LGSN: variants seen among roughly 807,000 people sequenced by gnomAD.
LGSN encodes lengsin.
Under a neutral mutation model 19.5 loss-of-function variants are expected in LGSN, and 21 were observed. The ratio of observed to expected loss-of-function variants is 1.07; its 90% confidence interval spans 0.76 to 1.55. The LOEUF (loss-of-function observed/expected upper bound fraction) is 1.55. Ranked by LOEUF, LGSN falls within the 40% of genes most tolerant of loss-of-function variation. The probability of loss-of-function intolerance (pLI) is 0.00; values close to 1 mark genes in which losing one functional copy is unlikely to be tolerated. For missense variants in LGSN, 673 were observed against 608.5 expected (o/e 1.11, Z -1.12); for synonymous variants, 257 against 215.6 (o/e 1.19, Z -1.68).
the LGSN span, among the ~76,000 whole-genome samples, chr6:63,356,513 C>T: frequency 2.6e-5 from 4 of 151,652 alleles, no homozygotes; most frequent in African/African-American, 9.7e-5. Context: ...CTGCACTCCA[C>T]CCTGGGCGAC....
At chr6:63,369,543 T>G in the LGSN span, among the ~76,000 whole-genome samples, 1 of 152,310 alleles carries the variant, frequency 6.6e-6, no homozygotes, top group East Asian at 1.9e-4. Context: ...TCTGCTTTGA[T>G]TGTTGAACCA....
the LGSN span, among the ~76,000 whole-genome samples, chr6:63,565,334 C>A: frequency 6.6e-6 from 1 of 151,992 alleles, no homozygotes; most frequent in East Asian, 1.9e-4. Context: ...TTGGAGACTA[C>A]CTAGACAACT....
At chr6:63,452,372 T>G in the LGSN span, among the ~76,000 whole-genome samples, 2 of 152,170 alleles carry the variant, frequency 1.3e-5, no homozygotes, top group East Asian at 3.9e-4. Context: ...CCTCAGCCTC[T>G]GGAGTTGCTG....
the LGSN span, among the ~76,000 whole-genome samples, chr6:63,366,619 C>G: frequency 1.3e-5 from 2 of 152,088 alleles, no homozygotes; most frequent in Non-Finnish European, 2.9e-5. Flanking sequence ...CAAAAAAGAG[C>G]CCGCATTGCC....
At chr6:63,500,185 T>A in the LGSN span, among the ~76,000 whole-genome samples, 2 of 152,010 alleles carry the variant, frequency 1.3e-5, no homozygotes, top group African/African-American at 4.8e-5. Context: ...CTCCCTTAAC[T>A]CACAAAGCAG....
chr6:63,439,779 C>T, the LGSN span, among the ~76,000 whole-genome samples: 1 of 152,170 alleles, frequency 6.6e-6, no homozygotes, highest in Non-Finnish European at 1.5e-5. Flanking sequence ...AGTCCCACCC[C>T]ACTGCATCAT....
chr6:63,335,813 A>G, the LGSN span, among the ~76,000 whole-genome samples: 8 of 152,210 alleles, frequency 5.3e-5, no homozygotes, highest in Non-Finnish European at 1.0e-4. Context: ...CCATCCCACT[A>G]TTGGGTATTT....
At chr6:63,419,916 A>G in the LGSN span, among the ~76,000 whole-genome samples, 2 of 120,620 alleles carry the variant, frequency 1.7e-5, no homozygotes, top group Non-Finnish European at 3.3e-5. Flanking sequence ...AAAAAAAAAA[A>G]AAAAAAAAGC....
At chr6:63,299,667 A>T (rs1283933268) in intron 1 of LGSN, among the ~76,000 whole-genome samples, 3 of 152,200 alleles carry the variant, frequency 2.0e-5, no homozygotes, top group Admixed American at 6.5e-5. Flanking sequence ...GAAAATTTTA[A>T]CTTCTGCCCT....
At chr6:63,336,614 G>C in the LGSN span, among the ~76,000 whole-genome samples, 30 of 146,642 alleles carry the variant, frequency 2.0e-4, no homozygotes, top group African/African-American at 7.6e-4. Context: ...AGATTATATG[G>C]AATAATAAAA....
chr6:63,550,711 ACCT>A, the LGSN span, among the ~76,000 whole-genome samples: 1 of 149,548 alleles, frequency 6.7e-6, no homozygotes, highest in Non-Finnish European at 1.5e-5. Flanking sequence ...TGCAGGCTTC[ACCT>A]CCTGGGTTCA....
chr6:63,572,389 G>T, the LGSN span: 1 of 328,588 alleles, frequency 3.0e-6, no homozygotes, highest in Non-Finnish European at 5.5e-6. Flanking sequence ...CCCGCCTGTC[G>T]GCTCCTGGCC....
chr6:63,398,860 G>T, the LGSN span, among the ~76,000 whole-genome samples: 1 of 152,034 alleles, frequency 6.6e-6, no homozygotes, highest in African/African-American at 2.4e-5. Flanking sequence ...TTTTGCTCCT[G>T]TTACCCAGGC....
the LGSN span, among the ~76,000 whole-genome samples, chr6:63,328,594 T>C: frequency 6.6e-6 from 1 of 152,230 alleles, no homozygotes; most frequent in Non-Finnish European, 1.5e-5. Flanking sequence ...AGCCTTTTGC[T>C]ACTACATCAA....
the LGSN span, among the ~76,000 whole-genome samples, chr6:63,472,943 AAAAAT>A: frequency 1.3e-5 from 2 of 151,880 alleles, no homozygotes; most frequent in Non-Finnish European, 2.9e-5. Flanking sequence ...TCTGTCTCAA[AAAAAT>A]AAAATAAAAA....
the LGSN span, among the ~76,000 whole-genome samples, chr6:63,417,837 A>ATGC: frequency 6.6e-6 from 1 of 152,234 alleles, no homozygotes; most frequent in African/African-American, 2.4e-5. Flanking sequence ...CTATAACTTG[A>ATGC]TGCTACACAG....
the LGSN span, among the ~76,000 whole-genome samples, chr6:63,464,994 A>G: frequency 6.8e-6 from 1 of 147,418 alleles, no homozygotes; most frequent in African/African-American, 2.5e-5. Context: ...CCATTGCACT[A>G]TAGCCTGGGT....
chr6:63,489,841 C>T, the LGSN span, among the ~76,000 whole-genome samples: 1 of 152,126 alleles, frequency 6.6e-6, no homozygotes, highest in East Asian at 1.9e-4. Context: ...TGAGGAGTAA[C>T]TGAGATTACA....
At chr6:63,440,871 G>A in the LGSN span, 1 of 168,338 alleles carries the variant, frequency 5.9e-6, no homozygotes, top group Admixed American at 5.9e-5. Context: ...CAAGGAGCTG[G>A]CTGCCCTTCC....
Sources: allele counts gnomAD v4.1 joint callset (sites outside exome capture counted in the v4.1 genomes callset), GRCh38; gene constraint gnomAD v4.1.1; transcripts MANE v1.5; gene names NCBI Gene and HGNC (gene_info 2026-07-23, HGNC 2026-07-21).